The following INVS variants were observed in gnomAD, a reference collection of about 807,000 sequenced individuals.
INVS encodes the protein inversion of embryo turning homolog.
INVS carries 86 observed loss-of-function variants against 108.8 expected under a neutral mutation model. The ratio of observed to expected loss-of-function variants is 0.79; its 90% confidence interval spans 0.66 to 0.95. INVS has a LOEUF of 0.95. Ranked by LOEUF, INVS falls within the 40% of genes least tolerant of loss-of-function variation. INVS has a pLI of 0.00. For synonymous variants in INVS, 455 were observed against 473.5 expected, an observed-to-expected ratio of 0.96 and a Z score of 0.51; for missense variants, 1,169 against 1,297.4, an observed-to-expected ratio of 0.90 and a Z score of 1.52.
intron 3 of INVS, among the ~76,000 whole-genome samples, chr9:100,182,438 G>C (rs1490652887): frequency 1.3e-5 from 2 of 152,082 alleles, no homozygotes; most frequent in East Asian, 3.9e-4. Context: ...CCATCAAAAA[G>C]TGGGCGAAGT....
chr9:100,278,879 A>G (rs759533109), intron 12 of INVS, among the ~76,000 whole-genome samples: 1 of 152,228 alleles, frequency 6.6e-6, no homozygotes, highest in Non-Finnish European at 1.5e-5. Flanking sequence ...TGAGAAAATT[A>G]TCATTTGACA....
In INVS at chr9:100,284,580, G is replaced by A; in HGVS notation, c.2045G>A (p.Gly682Glu). The A allele has an allele frequency of 6.2e-7, 1 of 1,613,650 alleles. No homozygotes were observed. Among genetic ancestry groups the A allele is most frequent in the African/African-American group, 1.3e-5 (1 of 75,058 alleles). ...CAGCATGTTTCCTCAGATTTGCAGG[G>A]AACAAACTCCAGAAGGCCAAATGGT... Reference protein sequence around the residue: ...KEQHVSSDLQGTNSRRPNETA... With the variant: ...KEQHVSSDLQETNSRRPNETA... The change falls in exon 13 of 17, where the codon GGA becomes GAA. Residue 682 changes from glycine (G) to glutamate (E), a missense_variant. By Grantham distance (98) the Gly-to-Glu change is moderately conservative. Coordinates refer to ENST00000262457, the MANE Select transcript of INVS (RefSeq NM_014425.5).
At chr9:100,224,448 A>G (rs1036529437) in intron 3 of INVS, among the ~76,000 whole-genome samples, 12 of 152,208 alleles carry the variant, frequency 7.9e-5, no homozygotes, top group African/African-American at 2.9e-4. Flanking sequence ...CCAAGCACAT[A>G]GAAACCTCCA....
At chr9:100,282,579 C>A (rs1833314520) in intron 12 of INVS, among the ~76,000 whole-genome samples, 1 of 152,190 alleles carries the variant, frequency 6.6e-6, no homozygotes, top group Admixed American at 6.5e-5. Context: ...CGCTTGAGAT[C>A]TAAATAAGCT....
At chr9:100,235,801 T>A (rs1831671262) in intron 5 of INVS, among the ~76,000 whole-genome samples, 1 of 152,178 alleles carries the variant, frequency 6.6e-6, no homozygotes, top group Non-Finnish European at 1.5e-5. Flanking sequence ...CCCTTAACAT[T>A]TTTTTCTTCA....
In INVS at chr9:100,302,040, A is replaced by ACAT. The variant is rs1239248577; in HGVS notation, c.*1367_*1369dup. On this transcript the variant is annotated 3_prime_UTR_variant, in exon 17 of 17. Transcript: ENST00000262457. ...CCTACACATCAATAGGAACGCCCAA[A>ACAT]CATTATTTTCATATATCAGTGCAAA... is the stretch of plus-strand genomic sequence containing the variant. 23 of 512,848 alleles carry ACAT rather than the reference A, an allele frequency of 4.5e-5. No homozygotes were observed. Among genetic ancestry groups the ACAT allele is most frequent in the Non-Finnish European group, 6.8e-5 (20 of 293,918 alleles). The allele number at this position is 512,848 out of a possible 1,614,324, so 31.8% of individuals were successfully genotyped here.
At chr9:100,243,827 T>C (rs577774947) in intron 7 of INVS, among the ~76,000 whole-genome samples, 14 of 152,166 alleles carry the variant, frequency 9.2e-5, no homozygotes, top group South Asian at 4.1e-4. Flanking sequence ...CTGGCCAACA[T>C]GGTGGAAACC....
At chr9:100,192,759 T>A (rs1305880773) in intron 3 of INVS, among the ~76,000 whole-genome samples, 2 of 152,206 alleles carry the variant, frequency 1.3e-5, no homozygotes. Context: ...ATTTCTAGTG[T>A]GTTTCTCATT....
chr9:100,187,525 CTTTTTTTTTTT>C (rs34728274), intron 3 of INVS, among the ~76,000 whole-genome samples: 1 of 105,564 alleles, frequency 9.5e-6, no homozygotes. Context: ...TCTATGATTT[CTTTTTTTTTTT>C]TTTTTTTTGA....
In INVS at chr9:100,255,843, G is replaced by A. The variant is rs563359063; in HGVS notation, c.1464+2707G>A. On this transcript the variant is annotated intron_variant, in intron 10 of 16. Transcript: ENST00000262457. ...GTATTTTATTGAAAATTTTTGCATCGATGTTCATCAGGGATATTGGTCTAA... is the reference window on the plus strand; with the variant it reads ...GTATTTTATTGAAAATTTTTGCATCAATGTTCATCAGGGATATTGGTCTAA... 2.0e-5 allele frequency among the ~76,000 whole-genome samples: 3 copies of A among 152,198 alleles called. 1 individual carries two copies. Among genetic ancestry groups the A allele is most frequent in the South Asian group, 4.2e-4 (2 of 4,816 alleles).
At position 100,196,352 on chromosome 9, in the gene INVS, G is replaced by A. The variant is rs192698463; in HGVS notation, c.274-29710G>A. 3.9e-5 allele frequency among the ~76,000 whole-genome samples: 6 copies of A among 152,182 alleles called. No individual in the cohort carries two copies. In the East Asian group the frequency reaches 7.7e-4, roughly 20 times the overall value. On this transcript the variant is annotated intron_variant, in intron 3 of 16. Coordinates refer to ENST00000262457, the MANE Select transcript of INVS (RefSeq NM_014425.5). The stretch of plus-strand genomic sequence containing the variant: ...TGTGTGATAGCTGTTGGCATTTTTC[G>A]TCTGGTGGGAGTTTCTGATAAACAA...
chr9:100,118,397 C>T (rs954760762), intron 2 of INVS, among the ~76,000 whole-genome samples: 25 of 149,664 alleles, frequency 1.7e-4, no homozygotes, highest in Non-Finnish European at 3.3e-4. Flanking sequence ...TTAGTAGAAA[C>T]GGGGTTTCAC....
chr9:100,240,664 A>G (rs1321186286), intron 6 of INVS, among the ~76,000 whole-genome samples: 1 of 152,014 alleles, frequency 6.6e-6, no homozygotes, highest in Non-Finnish European at 1.5e-5. Context: ...GAGAGTGTAT[A>G]TATGTGTATG....
At chr9:100,105,074 A>G (rs1827130625) in intron 2 of INVS, among the ~76,000 whole-genome samples, 1 of 152,262 alleles carries the variant, frequency 6.6e-6, no homozygotes. Flanking sequence ...CAGGAGTTCT[A>G]GAGGAGAGAA....
At chr9:100,118,872 G>C (rs1171172328) in intron 2 of INVS, among the ~76,000 whole-genome samples, 1 of 151,860 alleles carries the variant, frequency 6.6e-6, no homozygotes, top group African/African-American at 2.4e-5. Flanking sequence ...TGTTGACCAG[G>C]CTGGCCTCGA....
intron 16 of INVS, among the ~76,000 whole-genome samples, chr9:100,299,627 CTTTTA>C (rs1833898862): frequency 7.7e-6 from 1 of 129,146 alleles, no homozygotes; most frequent in Non-Finnish European, 1.7e-5. Context: ...TCAGCAGAGC[CTTTTA>C]TTGACACACA....
chr9:100,203,403 G>A (rs2118245867), intron 3 of INVS, among the ~76,000 whole-genome samples: 1 of 150,770 alleles, frequency 6.6e-6, no homozygotes, highest in East Asian at 1.9e-4. Flanking sequence ...TCCAGGCTAG[G>A]TATTTAACAG....
rs1588115731 is a variant in INVS, at chr9:100,242,593, C to T, written c.820C>T (p.Leu274Phe). Reference sequence around the variant, plus strand: ...AGGCCATGCACAGATTGTCCATCTCCTTTTAGAAAGAAATAAGTCTGGAAC... The same window carrying T: ...AGGCCATGCACAGATTGTCCATCTCTTTTTAGAAAGAAATAAGTCTGGAAC... The part of the protein sequence containing the change: ...LLGHAQIVHL[L>F]LERNKSGTIP... The change falls in exon 7 of 17, where the codon CTT becomes TTT. Residue 274 changes from leucine to phenylalanine, a missense_variant. Physicochemically the swap from Leu to Phe is conservative, Grantham distance 22. Coordinates refer to ENST00000262457, the MANE Select transcript of INVS (RefSeq NM_014425.5). 1 of 1,607,846 alleles carries T rather than the reference C, an allele frequency of 6.2e-7. No individual in the cohort carries two copies. Among genetic ancestry groups the T allele is most frequent in the East Asian group, 2.2e-5 (1 of 44,802 alleles).
At chr9:100,280,377 T>G (rs1833238754) in intron 12 of INVS, among the ~76,000 whole-genome samples, 1 of 152,210 alleles carries the variant, frequency 6.6e-6, no homozygotes, top group Non-Finnish European at 1.5e-5. Flanking sequence ...TCTCACTTTC[T>G]TATCCTGTAA....
Sources: allele counts gnomAD v4.1 joint callset (sites outside exome capture counted in the v4.1 genomes callset), GRCh38; gene constraint gnomAD v4.1.1; transcripts MANE v1.5; gene names NCBI Gene and HGNC (gene_info 2026-07-23, HGNC 2026-07-21).